Variants in SYT1 observed in about 807,000 individuals in gnomAD.
SYT1 encodes the protein synaptotagmin-1.
SYT1 carries 8 observed loss-of-function variants against 44.8 expected under a neutral mutation model. That is an observed-to-expected ratio of 0.18 (90% CI 0.10 to 0.32). The LOEUF is 0.32. Among genes scored for constraint, SYT1 ranks in the 10% least tolerant of loss-of-function variants. The pLI is 1.00. For synonymous variants in SYT1, 154 were observed against 188.8 expected (o/e 0.82, Z 1.51); for missense variants, 286 against 509.3 (o/e 0.56, Z 4.22).
At chr12:79,157,371 A>G (rs986535408) in intron 3 of SYT1, among the ~76,000 whole-genome samples, 2 of 152,182 alleles carry the variant, frequency 1.3e-5, no homozygotes, top group African/African-American at 4.8e-5. Flanking sequence ...GACTGACACT[A>G]GGTGAAAAAA....
intron 3 of SYT1, among the ~76,000 whole-genome samples, chr12:79,152,835 A>T (rs939566314): frequency 2.6e-5 from 4 of 151,604 alleles, no homozygotes; most frequent in Non-Finnish European, 5.9e-5. Context: ...AACTATGGAA[A>T]CTAATTAACT....
intron 9 of SYT1, among the ~76,000 whole-genome samples, chr12:79,395,113 G>A (rs1884815866): frequency 6.6e-6 from 1 of 152,114 alleles, no homozygotes; most frequent in South Asian, 2.1e-4. Flanking sequence ...GAGGTAGAGA[G>A]GAAGACTGGT....
rs532624118 is a variant in SYT1 at position 78,969,331 on chromosome 12, A to G, written c.-216-8468A>G. ...AGGAATGACTGAATAAGATAAAGGT[A>G]CAATGGCAATGGAAGACTTCCCTAC... is the stretch of plus-strand genomic sequence containing the variant. On this transcript the variant is annotated intron_variant, in intron 1 of 10. Coordinates refer to ENST00000261205, the MANE Select transcript of SYT1 (RefSeq NM_005639.3). Among the ~76,000 whole-genome samples, 4 of 152,372 alleles carry G rather than the reference A, an allele frequency of 2.6e-5. No individual in the cohort carries two copies. In the South Asian group the frequency reaches 8.3e-4, roughly 32 times the overall value.
intron 8 of SYT1, among the ~76,000 whole-genome samples, chr12:79,309,184 G>T (rs1880634585): frequency 2.0e-5 from 3 of 152,178 alleles, no homozygotes; most frequent in South Asian, 4.1e-4. Flanking sequence ...TCCTGTGGGG[G>T]CACTTTGTAT....
chr12:79,332,235 A>G (rs1288044679), intron 8 of SYT1, among the ~76,000 whole-genome samples: 2 of 152,206 alleles, frequency 1.3e-5, no homozygotes, highest in Admixed American at 6.5e-5. Context: ...TCAAATTCAC[A>G]TCATACATTT....
chr12:79,384,630 T>A (rs967177663), intron 9 of SYT1, among the ~76,000 whole-genome samples: 22 of 152,202 alleles, frequency 1.4e-4, no homozygotes, highest in Admixed American at 1.3e-3. Flanking sequence ...TCACTACTTT[T>A]GACAAACATT....
At chr12:79,145,425 T>G (rs182876305) in intron 3 of SYT1, among the ~76,000 whole-genome samples, 257 of 152,280 alleles carry the variant, frequency 1.7e-3, no homozygotes, top group African/African-American at 5.7e-3. Flanking sequence ...ATATTTATTT[T>G]TATCTGATTC....
At chr12:79,316,687 C>T (rs187577106) in intron 8 of SYT1, among the ~76,000 whole-genome samples, 3 of 152,290 alleles carry the variant, frequency 2.0e-5, no homozygotes, top group Admixed American at 2.0e-4. Context: ...TGTTGTCTAT[C>T]GTCCACCGTA....
chr12:79,311,467 T>C (rs1565903190), intron 8 of SYT1, among the ~76,000 whole-genome samples: 1 of 137,804 alleles, frequency 7.3e-6, no homozygotes, highest in Non-Finnish European at 1.6e-5. Context: ...TGGCGATTCC[T>C]CAGGGATCTA....
At chr12:78,976,327 A>G (rs979610490) in intron 1 of SYT1, among the ~76,000 whole-genome samples, 4 of 152,174 alleles carry the variant, frequency 2.6e-5, no homozygotes, top group Admixed American at 1.3e-4. Flanking sequence ...AGCTGGAGTC[A>G]ACTATTTCTT....
intron 3 of SYT1, among the ~76,000 whole-genome samples, chr12:79,130,339 G>A (rs987787192): frequency 2.0e-5 from 3 of 152,120 alleles, no homozygotes; most frequent in Non-Finnish European, 2.9e-5. Context: ...GTTAATCGAG[G>A]AATAATAACT....
chr12:79,254,298 C>T (rs1877393370), intron 4 of SYT1, among the ~76,000 whole-genome samples: 1 of 152,292 alleles, frequency 6.6e-6, no homozygotes, highest in African/African-American at 2.4e-5. Flanking sequence ...CACAGCTACT[C>T]TTCCTATGTT....
chr12:79,197,941 G>A (rs1873561938), intron 3 of SYT1, among the ~76,000 whole-genome samples: 2 of 151,944 alleles, frequency 1.3e-5, no homozygotes, highest in Non-Finnish European at 2.9e-5. Flanking sequence ...AACATGGAAA[G>A]CAAATAAAAC....
intron 4 of SYT1, among the ~76,000 whole-genome samples, chr12:79,261,154 C>CT (rs1877808771): frequency 6.6e-6 from 1 of 152,160 alleles, no homozygotes; most frequent in Non-Finnish European, 1.5e-5. Flanking sequence ...AGTTAGTGTA[C>CT]TTTAGAGCCA....
intron 2 of SYT1, among the ~76,000 whole-genome samples, chr12:79,022,277 G>A (rs547650762): frequency 6.6e-6 from 1 of 151,888 alleles, no homozygotes; most frequent in African/African-American, 2.4e-5. Context: ...CTTTAAAACT[G>A]CTTGGAGACA....
intron 1 of SYT1, among the ~76,000 whole-genome samples, chr12:78,921,101 T>C (rs1876967829): frequency 6.6e-6 from 1 of 152,050 alleles, no homozygotes; most frequent in African/African-American, 2.4e-5. Flanking sequence ...TAAAAGAAAA[T>C]ACACCAAAAA....
intron 8 of SYT1, among the ~76,000 whole-genome samples, chr12:79,337,525 G>C (rs1383575220): frequency 6.6e-6 from 1 of 152,194 alleles, no homozygotes; most frequent in Non-Finnish European, 1.5e-5. Context: ...TAGCTACAGA[G>C]TGACAGAACT....
chr12:79,248,084 C>A (rs1488115581), intron 4 of SYT1, among the ~76,000 whole-genome samples: 1 of 152,146 alleles, frequency 6.6e-6, no homozygotes, highest in Non-Finnish European at 1.5e-5. Context: ...TTGGCACAGT[C>A]CATTTAAATC....
chr12:78,983,318 A>G (rs888690196), intron 2 of SYT1, among the ~76,000 whole-genome samples: 3 of 152,086 alleles, frequency 2.0e-5, no homozygotes, highest in Non-Finnish European at 4.4e-5. Context: ...GAGTGGCTCC[A>G]ATGTGGCCAT....
Sources: gnomAD v4.1 joint callset for allele counts (sites outside exome capture counted in the v4.1 genomes callset) on GRCh38, gnomAD v4.1.1 for gene constraint, MANE v1.5 for transcripts, NCBI Gene and HGNC (gene_info 2026-07-23, HGNC 2026-07-21) for gene names.